FBXO17: variants seen among roughly 807,000 people sequenced by gnomAD.
FBXO17 encodes the protein F-box protein 17.
FBXO17 carries 43 observed loss-of-function variants against 34.1 expected under a neutral mutation model. The observed-to-expected ratio is 1.26, with a 90% CI of 0.99 to 1.62. The LOEUF is 1.62. FBXO17 is among the 40% of genes most tolerant of loss of function. FBXO17 has a pLI of 0.00. For missense variants in FBXO17, 424 were observed against 386.7 expected, an observed-to-expected ratio of 1.10 and a Z score of -0.81; for synonymous variants, 169 against 166.0, an observed-to-expected ratio of 1.02 and a Z score of -0.14.
chr19:38,954,125 G>C (rs1446728278), intron 1 of FBXO17, among the ~76,000 whole-genome samples: 1 of 152,122 alleles, frequency 6.6e-6, no homozygotes, highest in African/African-American at 2.4e-5. Context: ...CTTGAAATTA[G>C]CCTGGCCAGG....
In FBXO17 at chr19:38,946,790, C is replaced by G. The variant is rs1600188888; in HGVS notation, c.462-223G>C. 3 of 602,310 alleles carry G rather than the reference C, an allele frequency of 5.0e-6. No homozygotes were observed. In the Middle Eastern group the frequency reaches 1.3e-3, roughly 260 times the overall value. The allele number at this position is 602,310 out of a possible 1,614,324, so 37.3% of individuals were successfully genotyped here. ...CCTGCTGCGGGCTCCAGGCAGCTGA[C>G]CTCTATGAAAGCCTGACCCTCATCT... is the stretch of plus-strand genomic sequence containing the variant. On this transcript the variant is annotated intron_variant, in intron 3 of 5. Transcript: ENST00000292852.
intron 1 of FBXO17, among the ~76,000 whole-genome samples, chr19:38,958,538 C>G (rs1975201598): frequency 6.6e-6 from 1 of 151,894 alleles, no homozygotes; most frequent in South Asian, 2.1e-4. Context: ...TTGAAAAGTA[C>G]CCACTGCAAG....
intron 1 of FBXO17, among the ~76,000 whole-genome samples, chr19:38,965,865 C>T (rs1975312946): frequency 6.6e-6 from 1 of 152,160 alleles, no homozygotes; most frequent in Admixed American, 6.6e-5. Context: ...TGGTCTTGAA[C>T]TCCTGACCCC....
rs186454124 is a variant in FBXO17 at position 38,943,312 on chromosome 19, C to T, written c.694-561G>A. ...TTTTTGAGATGGAGTCTCACTCTGT[C>T]GCCCAGGCTGGAGTACAGTGGCATG... is the stretch of plus-strand genomic sequence containing the variant. On this transcript the variant is annotated intron_variant, in intron 5 of 5. Transcript: ENST00000292852. Among the ~76,000 whole-genome samples the T allele has an allele frequency of 2.8e-4, 42 of 151,934 alleles. No homozygotes were observed. In the East Asian group the frequency reaches 6.2e-3, roughly 22 times the overall value.
At chr19:38,953,791 C>T (rs912029824) in intron 1 of FBXO17, among the ~76,000 whole-genome samples, 10 of 151,972 alleles carry the variant, frequency 6.6e-5, no homozygotes, top group African/African-American at 2.4e-4. Context: ...GAGGTGAGAA[C>T]CAGGGACGGT....
intron 1 of FBXO17, chr19:38,952,726 CCT>C (rs1166497514): frequency 1.0e-5 from 5 of 490,582 alleles, no homozygotes; most frequent in African/African-American, 1.9e-5. Context: ...CTCTCTGTTC[CCT>C]GACCTCTCTC....
At chr19:38,974,031 T>TAC (rs1555753497) in intron 1 of FBXO17, among the ~76,000 whole-genome samples, 3 of 122,958 alleles carry the variant, frequency 2.4e-5, no homozygotes, top group African/African-American at 8.4e-5. Flanking sequence ...TATATATATA[T>TAC]ACATATATAT....
chr19:38,954,617 T>C (rs1975136294), intron 1 of FBXO17, among the ~76,000 whole-genome samples: 1 of 144,818 alleles, frequency 6.9e-6, no homozygotes, highest in Non-Finnish European at 1.5e-5. Context: ...TTCACTCTTG[T>C]TGCCCAGGCT....
chr19:38,952,690 C>A, intron 1 of FBXO17: 1 of 527,808 alleles, frequency 1.9e-6, no homozygotes, highest in South Asian at 1.4e-5. Context: ...ATTTCTATAA[C>A]CAGATAGTTC....
rs773304955 is a variant in FBXO17 at position 38,950,127 on chromosome 19, G to A, written c.193C>T (p.Arg65Cys). Residue 65 changes from arginine to cysteine, a missense_variant, in exon 2 of 6, where the codon CGC becomes TGC. By Grantham distance (180) the Arg-to-Cys change is radical (BLOSUM62 -3). Transcript: ENST00000292852. ...GPTVWLLQLA[R>C]DRSAEGRALY... ...GCGCGGCCCTCGGCGCTGCGGTCGC[G>A]GGCCAGCTGCAGCAGCCACACAGTG... 161 of 1,561,728 alleles carry A rather than the reference G, an allele frequency of 1.0e-4. No homozygotes were observed. Among genetic ancestry groups the A allele is most frequent in the Non-Finnish European group, 1.3e-4 (150 of 1,157,372 alleles).
intron 1 of FBXO17, among the ~76,000 whole-genome samples, chr19:38,972,507 T>C (rs1266823658): frequency 6.6e-6 from 1 of 150,760 alleles, no homozygotes. Flanking sequence ...ATTGTGCCAC[T>C]GCACTGCAGC....
chr19:38,949,034 A>T (rs1220133270), intron 2 of FBXO17, among the ~76,000 whole-genome samples: 1 of 152,026 alleles, frequency 6.6e-6, no homozygotes, highest in East Asian at 1.9e-4. Flanking sequence ...GGCTCAAGCG[A>T]TCCTCCCACA....
At chr19:38,960,291 CT>C (rs55974809) in intron 1 of FBXO17, among the ~76,000 whole-genome samples, 135,613 of 147,436 alleles carry the variant, frequency 0.92, 62,443 homozygotes, top group African/African-American at 0.96. Flanking sequence ...GCCATTATTC[CT>C]TTTTTTTTTT....
chr19:38,973,008 T>G (rs1975409828), intron 1 of FBXO17, among the ~76,000 whole-genome samples: 1 of 152,182 alleles, frequency 6.6e-6, no homozygotes, highest in African/African-American at 2.4e-5. Context: ...GTGCTGGCAT[T>G]ACAGGCATAA....
chr19:38,966,321 G>GTGTGTGTGTGTGTGTGTGT (rs1568445631), intron 1 of FBXO17, among the ~76,000 whole-genome samples: 2 of 149,586 alleles, frequency 1.3e-5, no homozygotes, highest in South Asian at 2.1e-4. Flanking sequence ...GTGTGTGTGT[G>GTGTGTGTGTGTGTGTGTGT]GAGATGGGGT....
intron 1 of FBXO17, among the ~76,000 whole-genome samples, chr19:38,965,999 C>T (rs1375524239): frequency 1.3e-5 from 2 of 151,582 alleles, no homozygotes; most frequent in African/African-American, 4.9e-5. Context: ...GAGATGGAGT[C>T]TTACTCTGTC....
At chr19:38,971,097 CA>C (rs36006162) in intron 1 of FBXO17, among the ~76,000 whole-genome samples, 13,535 of 122,348 alleles carry the variant, frequency 0.11, 843 homozygotes, top group Non-Finnish European at 0.15. Context: ...GAGTCCATCT[CA>C]AAAAAAAAAA....
At chr19:38,944,256 C>T (rs1600186610) in intron 5 of FBXO17, among the ~76,000 whole-genome samples, 2 of 146,560 alleles carry the variant, frequency 1.4e-5, no homozygotes, top group South Asian at 2.2e-4. Flanking sequence ...TGATCTGACT[C>T]ATTATTATTA....
intron 4 of FBXO17, chr19:38,945,323 C>G: frequency 1.8e-6 from 1 of 551,922 alleles, no homozygotes; most frequent in Non-Finnish European, 3.1e-6. Context: ...TGGGGAGGAG[C>G]CAGAGCCTGG....
Sources: allele counts gnomAD v4.1 joint callset (sites outside exome capture counted in the v4.1 genomes callset), GRCh38; gene constraint gnomAD v4.1.1; transcripts MANE v1.5; gene names NCBI Gene and HGNC (gene_info 2026-07-23, HGNC 2026-07-21).